Variants in MCTP1 observed in about 807,000 individuals in gnomAD.
MCTP1 encodes the protein multiple C2 and transmembrane domain-containing protein 1.
MCTP1 carries 69 observed loss-of-function variants against 120.6 expected under a neutral mutation model. The ratio of observed to expected loss-of-function variants is 0.57; its 90% CI spans 0.47 to 0.70. The LOEUF (loss-of-function observed/expected upper bound fraction) is 0.70, where lower values mean the gene tolerates loss of function less well. Ranked by LOEUF, MCTP1 falls within the 30% of genes least tolerant of loss-of-function variation. The probability of loss-of-function intolerance (pLI) is 0.00; values close to 1 mark genes in which losing one functional copy is unlikely to be tolerated. For missense variants in MCTP1, 1,203 were observed against 1,248.8 expected (o/e 0.96, Z 0.55); for synonymous variants, 529 against 493.1 (o/e 1.07, Z -0.96).
chr5:94,992,749 C>T lies in MCTP1; in HGVS notation c.838+24618G>A, dbSNP rs559195175. On this transcript the variant is annotated intron_variant, in intron 2 of 22. Coordinates refer to ENST00000515393, the MANE Select transcript of MCTP1 (RefSeq NM_024717.7). ...ACACTTGTCCCAGAGGTCCCAGAGG[C>T]CCTCTTAATTCACCCTGTGTTGGCC... Among the ~76,000 whole-genome samples, 95 of 152,264 alleles carry T rather than the reference C, an allele frequency of 6.2e-4. 1 individual carries two copies. Among genetic ancestry groups the T allele is most frequent in the South Asian group, 1.9e-3 (9 of 4,818 alleles).
intron 1 of MCTP1, among the ~76,000 whole-genome samples, chr5:95,267,447 G>A: frequency 6.6e-6 from 1 of 152,032 alleles, no homozygotes; most frequent in East Asian, 1.9e-4. Flanking sequence ...TGCATTTCTT[G>A]CCTTCATTTA....
chr5:94,785,061 TA>T (rs1777380502), intron 18 of MCTP1, among the ~76,000 whole-genome samples: 1 of 152,082 alleles, frequency 6.6e-6, no homozygotes, highest in Admixed American at 6.5e-5. Context: ...TGGTTTGCCA[TA>T]AGGTGCAAAG....
intron 10 of MCTP1, among the ~76,000 whole-genome samples, chr5:94,908,562 C>A (rs572763554): frequency 6.6e-6 from 1 of 151,736 alleles, no homozygotes; most frequent in South Asian, 2.1e-4. Context: ...TTCAGTACAC[C>A]ACACTTTATT....
chr5:94,786,543 A>G (rs1454530830), intron 18 of MCTP1, among the ~76,000 whole-genome samples: 1 of 152,216 alleles, frequency 6.6e-6, no homozygotes, highest in African/African-American at 2.4e-5. Flanking sequence ...AATGAAAAGA[A>G]TGTTCACGAA....
At chr5:94,882,624 C>A (rs1386753562) in intron 12 of MCTP1, among the ~76,000 whole-genome samples, 1 of 152,140 alleles carries the variant, frequency 6.6e-6, no homozygotes, top group Non-Finnish European at 1.5e-5. Flanking sequence ...AGAGCTAGCC[C>A]TCTGAGCCAA....
chr5:95,182,745 GA>G (rs1748742123), intron 1 of MCTP1, among the ~76,000 whole-genome samples: 1 of 152,042 alleles, frequency 6.6e-6, no homozygotes, highest in Non-Finnish European at 1.5e-5. Context: ...AAATGGGGGG[GA>G]CTCATGTTAA....
chr5:94,741,560 G>A (rs1268585216), intron 19 of MCTP1, among the ~76,000 whole-genome samples: 1 of 152,178 alleles, frequency 6.6e-6, no homozygotes, highest in Non-Finnish European at 1.5e-5. Context: ...CAAGCTCCAG[G>A]ACTCAGACCT....
chr5:94,873,311 C>A, intron 12 of MCTP1, 70 bp from the exon 13 acceptor site: 1 of 843,908 alleles, frequency 1.2e-6, no homozygotes, highest in East Asian at 2.6e-5. Flanking sequence ...AAGATCATGA[C>A]CATATCTCTT....
At chr5:95,152,530 A>G (rs1275034502) in intron 1 of MCTP1, among the ~76,000 whole-genome samples, 1 of 152,208 alleles carries the variant, frequency 6.6e-6, no homozygotes, top group Non-Finnish European at 1.5e-5. Flanking sequence ...GGGAAAAATT[A>G]ATTCTAGAAA....
rs1043798304 is a variant in MCTP1 at position 94,868,270 on chromosome 5, A to C, written c.2436+63T>G. ...ACATAACTGTTACTATAGCCACAGAAACATGCAGCTATGATTACTGAATTT... is the reference window on the plus strand; with the variant it reads ...ACATAACTGTTACTATAGCCACAGACACATGCAGCTATGATTACTGAATTT... On this transcript the variant is annotated intron_variant, in intron 17 of 22. Coordinates refer to ENST00000515393, the MANE Select transcript of MCTP1 (RefSeq NM_024717.7). The C allele has an allele frequency of 2.1e-6, 3 of 1,442,274 alleles. No individual in the cohort carries two copies. In the Admixed American group the frequency reaches 7.1e-5, roughly 34 times the overall value. 89.3% of individuals were successfully genotyped at this position (1,442,274 alleles called of 1,614,324 possible). A position where few individuals can be genotyped will look rare whatever the true frequency, so the allele number is the denominator to read the frequency against.
At chr5:94,767,359 C>T (rs1280788456) in intron 19 of MCTP1, among the ~76,000 whole-genome samples, 2 of 152,160 alleles carry the variant, frequency 1.3e-5, no homozygotes, top group Admixed American at 1.3e-4. Flanking sequence ...TGGAACAAGA[C>T]AATGATGCCC....
intron 10 of MCTP1, among the ~76,000 whole-genome samples, chr5:94,906,866 A>G (rs1397236272): frequency 1.3e-5 from 2 of 152,236 alleles, no homozygotes; most frequent in Admixed American, 6.5e-5. Context: ...AGCCTCCAGC[A>G]AATTCCTAGA....
chr5:95,215,098 T>C (rs1266081873), intron 1 of MCTP1, among the ~76,000 whole-genome samples: 1 of 152,186 alleles, frequency 6.6e-6, no homozygotes, highest in African/African-American at 2.4e-5. Flanking sequence ...ATCACACTCA[T>C]ATGTATGTAC....
intron 7 of MCTP1, among the ~76,000 whole-genome samples, chr5:94,923,001 A>C (rs1213257360): frequency 5.5e-5 from 1 of 18,298 alleles, no homozygotes. Context: ...AAGCTGCAAA[A>C]AAAAAAAAAA....
chr5:94,782,219 A>G (rs1391392156), intron 18 of MCTP1, among the ~76,000 whole-genome samples: 1 of 152,210 alleles, frequency 6.6e-6, no homozygotes, highest in East Asian at 1.9e-4. Context: ...TCAAGTTACT[A>G]TTTTAAACAT....
chr5:94,712,238 A>T (rs1757288952), intron 20 of MCTP1, among the ~76,000 whole-genome samples: 2 of 152,150 alleles, frequency 1.3e-5, no homozygotes, highest in East Asian at 1.9e-4. Context: ...TAATATGTTT[A>T]TGTGAATCAA....
chr5:94,814,135 G>A (rs1425417526), intron 17 of MCTP1, among the ~76,000 whole-genome samples: 1 of 152,072 alleles, frequency 6.6e-6, no homozygotes, highest in Non-Finnish European at 1.5e-5. Context: ...TACTCAAAAT[G>A]GGTGAATGTT....
chr5:94,941,408 C>T (rs1817678404), intron 4 of MCTP1, among the ~76,000 whole-genome samples: 1 of 152,072 alleles, frequency 6.6e-6, no homozygotes, highest in Non-Finnish European at 1.5e-5. Context: ...GCAACAATGA[C>T]TATTGGAAGA....
At chr5:94,857,946 A>T (rs1475936446) in intron 17 of MCTP1, among the ~76,000 whole-genome samples, 1 of 151,736 alleles carries the variant, frequency 6.6e-6, no homozygotes, top group African/African-American at 2.4e-5. Flanking sequence ...ATTTGGATCC[A>T]TATAATTTTA....
Sources: gnomAD v4.1 joint callset for allele counts (sites outside exome capture counted in the v4.1 genomes callset) on GRCh38, gnomAD v4.1.1 for gene constraint, MANE v1.5 for transcripts, NCBI Gene and HGNC (gene_info 2026-07-23, HGNC 2026-07-21) for gene names.